ZMYND8: variants seen among roughly 807,000 people sequenced by gnomAD.
ZMYND8 encodes the protein zinc finger MYND-type containing 8.
Under a neutral mutation model 140.8 loss-of-function variants are expected in ZMYND8, and 37 were observed. The ratio of observed to expected loss-of-function variants is 0.26; its 90% CI spans 0.20 to 0.35. ZMYND8 has a LOEUF of 0.35. Among genes scored for constraint, ZMYND8 ranks in the 10% least tolerant of loss-of-function variants. ZMYND8 has a pLI of 1.00. For missense variants in ZMYND8, 1,068 were observed against 1,570.0 expected, an observed-to-expected ratio of 0.68 and a Z score of 5.40; for synonymous variants, 592 against 597.1, an observed-to-expected ratio of 0.99 and a Z score of 0.12.
At chr20:47,265,043 A>AATATATATATATATATATAT (rs1555948551) in intron 11 of ZMYND8, among the ~76,000 whole-genome samples, 2 of 74,436 alleles carry the variant, frequency 2.7e-5, no homozygotes, top group African/African-American at 1.2e-4. Context: ...TCCCCAAAAA[A>AATATATATATATATATATAT]ATATATATAC....
At position 47,224,326 on chromosome 20, in the gene ZMYND8, T is replaced by C; in HGVS notation, c.3247A>G (p.Thr1083Ala). 6.2e-7 allele frequency: 1 copy of C among 1,614,242 alleles called. No homozygotes were observed. Among genetic ancestry groups the C allele is most frequent in the Non-Finnish European group, 8.5e-7 (1 of 1,180,046 alleles). ...CCCCACAGGGCATTACCTGACTGGGTGCAGGACTTCATGTGCTCAGGCCAG... is the reference window on the plus strand; with the variant it reads ...CCCCACAGGGCATTACCTGACTGGGCGCAGGACTTCATGTGCTCAGGCCAG... ...AHWPEHMKSC[T>A]QSATAPQQEA... Residue 1083 changes from threonine to alanine, a missense_variant, in exon 19 of 23, where the codon ACC becomes GCC. Physicochemically the swap from Thr to Ala is moderately conservative, Grantham distance 58. Around this residue, in one of 10 missense-constraint regions of ZMYND8, gnomAD observed 5 missense variants for 39.6 expected, o/e 0.13. Transcript: ENST00000471951.
At chr20:47,351,743 T>C in intron 1 of ZMYND8, 1 of 985,444 alleles carries the variant, frequency 1.0e-6, no homozygotes, top group African/African-American at 1.7e-5. Flanking sequence ...AGCTAAGCTA[T>C]TTATGCAGGA....
At chr20:47,294,104 T>C (rs1162678420) in intron 5 of ZMYND8, among the ~76,000 whole-genome samples, 1 of 152,034 alleles carries the variant, frequency 6.6e-6, no homozygotes, top group Non-Finnish European at 1.5e-5. Context: ...TCCCACCATA[T>C]TGGGAGGCCG....
chr20:47,343,093 C>G (rs1304562919), intron 2 of ZMYND8, among the ~76,000 whole-genome samples: 9 of 152,086 alleles, frequency 5.9e-5, no homozygotes, highest in African/African-American at 2.2e-4. Flanking sequence ...CCAGCCTGGG[C>G]AACACAGCGA....
intron 11 of ZMYND8, among the ~76,000 whole-genome samples, chr20:47,272,443 G>C (rs1035655763): frequency 6.6e-6 from 1 of 152,136 alleles, no homozygotes; most frequent in African/African-American, 2.4e-5. Context: ...TAGCCCAGAG[G>C]GTGGTGAATG....
chr20:47,291,874 C>T lies in ZMYND8; in HGVS notation c.582G>A (p.Gln194=). The part of the protein sequence containing the change: ...KMKQPGTDAF[Q]KPVPLEQHPD... The stretch of plus-strand genomic sequence containing the variant: ...GGTGCTGTTCCAATGGAACGGGCTT[C>T]TGGAATGCATCTGTCTATAAAAGAG... The change falls in exon 6 of 23, where the codon CAG becomes CAA. Residue 194 remains glutamine (Q), a synonymous_variant. Coordinates refer to ENST00000471951, the MANE Select transcript of ZMYND8 (RefSeq NM_001281775.3). 2 of 1,612,566 alleles carry T rather than the reference C, an allele frequency of 1.2e-6. No individual in the cohort carries two copies. The highest frequency in any genetic ancestry group is 1.7e-6 in the Non-Finnish European group (2 of 1,179,360).
At chr20:47,290,578 A>C (rs1185233704) in intron 6 of ZMYND8, among the ~76,000 whole-genome samples, 8 of 116,872 alleles carry the variant, frequency 6.8e-5, no homozygotes, top group Non-Finnish European at 1.1e-4. Context: ...TAGTTTATTT[A>C]TTTAGTTTTT....
intron 11 of ZMYND8, 87 bp from the exon 12 acceptor site, chr20:47,262,515 T>A: frequency 6.5e-7 from 1 of 1,545,974 alleles, no homozygotes; most frequent in Non-Finnish European, 8.8e-7. Flanking sequence ...AATGGAGAGA[T>A]TATGAAATTG....
Position 47,287,353 on chromosome 20 carries a change from TC to T in ZMYND8, c.749-70del, listed in dbSNP as rs1203665388. The T allele has an allele frequency of 2.7e-5, 35 of 1,307,882 alleles. No homozygotes were observed. In the African/African-American group the frequency reaches 4.9e-4, roughly 18 times the overall value. 81.0% of individuals were successfully genotyped at this position (1,307,882 alleles called of 1,614,324 possible). On this transcript the variant is annotated intron_variant, in intron 7 of 22. Transcript: ENST00000471951. ...CAACACCGGGCCTGGGGACTTTACT[TC>T]CGCTAACAATGTGTTTACTTGCTTT...
chr20:47,235,706 C>CAAA (rs199680083), intron 16 of ZMYND8, among the ~76,000 whole-genome samples: 1 of 107,514 alleles, frequency 9.3e-6, no homozygotes, highest in South Asian at 3.0e-4. Context: ...GACTCCATCT[C>CAAA]AAAAAAAAAA....
intron 3 of ZMYND8, among the ~76,000 whole-genome samples, chr20:47,299,725 A>G (rs2077882624): frequency 6.6e-6 from 1 of 152,112 alleles, no homozygotes; most frequent in African/African-American, 2.4e-5. Flanking sequence ...CTGGGACTAC[A>G]GGCGTGTGCC....
At chr20:47,279,916 A>G (rs2076499776) in intron 10 of ZMYND8, among the ~76,000 whole-genome samples, 1 of 152,114 alleles carries the variant, frequency 6.6e-6, no homozygotes, top group Non-Finnish European at 1.5e-5. Context: ...TGAATCCAGG[A>G]GTTCAAGACC....
At chr20:47,327,603 C>G (rs1282595606) in intron 2 of ZMYND8, among the ~76,000 whole-genome samples, 1 of 151,668 alleles carries the variant, frequency 6.6e-6, no homozygotes, top group Non-Finnish European at 1.5e-5. Context: ...TTGCACTGAG[C>G]AGAGTTTGTG....
intron 8 of ZMYND8, chr20:47,285,775 T>C: frequency 2.0e-6 from 2 of 985,042 alleles, no homozygotes; most frequent in Non-Finnish European, 2.4e-6. Flanking sequence ...ATGTGTTGTA[T>C]GTAATACTAT....
At chr20:47,231,853 G>A (rs2038530710) in intron 16 of ZMYND8, among the ~76,000 whole-genome samples, 2 of 152,224 alleles carry the variant, frequency 1.3e-5, no homozygotes, top group South Asian at 4.1e-4. Flanking sequence ...CTAATGTAAT[G>A]GTCACATTCC....
chr20:47,265,838 A>G (rs1292835800), intron 11 of ZMYND8, among the ~76,000 whole-genome samples: 1 of 152,248 alleles, frequency 6.6e-6, no homozygotes, highest in African/African-American at 2.4e-5. Flanking sequence ...TTGTTAATAA[A>G]TAAACAAGTG....
At chr20:47,245,693 G>A (rs1413586506) in intron 14 of ZMYND8, among the ~76,000 whole-genome samples, 2 of 152,190 alleles carry the variant, frequency 1.3e-5, no homozygotes, top group African/African-American at 4.8e-5. Flanking sequence ...AAGCTGCTCA[G>A]ACTAAAAATG....
At chr20:47,244,891 T>C (rs1300018482) in intron 14 of ZMYND8, among the ~76,000 whole-genome samples, 6 of 152,152 alleles carry the variant, frequency 3.9e-5, no homozygotes, top group African/African-American at 1.4e-4. Context: ...ACCCTGTTTC[T>C]ACTAAAAATA....
At chr20:47,226,149 C>CG in intron 18 of ZMYND8, among the ~76,000 whole-genome samples, 1 of 120,214 alleles carries the variant, frequency 8.3e-6, no homozygotes, top group African/African-American at 4.2e-5. Context: ...GAGACTCTGT[C>CG]TTAAAAAAAA....
Sources: allele counts gnomAD v4.1 joint callset (sites outside exome capture counted in the v4.1 genomes callset), GRCh38; gene constraint gnomAD v4.1.1; regional missense constraint gnomAD v4.1.1; transcripts MANE v1.5; gene names NCBI Gene and HGNC (gene_info 2026-07-23, HGNC 2026-07-21).